PRKG1: variants seen among roughly 807,000 people sequenced by gnomAD.
PRKG1 encodes the protein protein kinase cGMP-dependent 1, also known as cGMP-dependent protein kinase 1.
A neutral mutation model predicts 88.1 loss-of-function variants in PRKG1; 35 were observed. The observed-to-expected ratio is 0.40, with a 90% CI of 0.30 to 0.53. PRKG1 has a LOEUF of 0.53. Ranked by LOEUF, PRKG1 falls within the 20% of genes least tolerant of loss-of-function variation. The pLI, the probability that PRKG1 is intolerant of heterozygous loss-of-function variation, is 0.59. For synonymous variants in PRKG1, 303 were observed against 292.5 expected, an observed-to-expected ratio of 1.04 and a Z score of -0.37; for missense variants, 540 against 839.8, an observed-to-expected ratio of 0.64 and a Z score of 4.41.
At chr10:51,851,973 A>G (rs1840565934) in intron 4 of PRKG1, among the ~76,000 whole-genome samples, 1 of 152,100 alleles carries the variant, frequency 6.6e-6, no homozygotes, top group South Asian at 2.1e-4. Flanking sequence ...GGATGGAAAG[A>G]CATAGACACA....
intron 2 of PRKG1, among the ~76,000 whole-genome samples, chr10:51,275,348 A>T (rs1169203902): frequency 6.6e-6 from 1 of 152,130 alleles, no homozygotes; most frequent in Non-Finnish European, 1.5e-5. Flanking sequence ...GGTAAATCAC[A>T]CTTCTTTTGT....
chr10:51,845,071 T>G (rs1371748937), intron 4 of PRKG1, among the ~76,000 whole-genome samples: 1 of 152,168 alleles, frequency 6.6e-6, no homozygotes, highest in Non-Finnish European at 1.5e-5. Context: ...TGTAAATGTC[T>G]GGTTGGCCAG....
At chr10:51,884,012 G>A in intron 4 of PRKG1, among the ~76,000 whole-genome samples, 1 of 105,588 alleles carries the variant, frequency 9.5e-6, no homozygotes, top group Non-Finnish European at 1.8e-5. Context: ...ACTCAAGTTA[G>A]TCTTTTATTT....
intron 3 of PRKG1, among the ~76,000 whole-genome samples, chr10:51,627,778 G>A (rs1839372933): frequency 6.6e-6 from 1 of 152,076 alleles, no homozygotes; most frequent in Non-Finnish European, 1.5e-5. Flanking sequence ...AGAGTACCAA[G>A]CACCTAGAAA....
At chr10:52,150,168 A>ATTATTATTATTATT (rs1564490922) in intron 8 of PRKG1, among the ~76,000 whole-genome samples, 9 of 108,656 alleles carry the variant, frequency 8.3e-5, no homozygotes, top group African/African-American at 3.5e-4. Flanking sequence ...TAATAATAAT[A>ATTATTATTATTATT]ATAATAATAA....
chr10:51,349,454 TTGTGTGTGTGTG>T (rs34302728), intron 2 of PRKG1, among the ~76,000 whole-genome samples: 17 of 97,418 alleles, frequency 1.7e-4, no homozygotes, highest in South Asian at 7.9e-4. Context: ...TTCATATTGT[TTGTGTGTGTGTG>T]TGTGTGTGTG....
intron 2 of PRKG1, among the ~76,000 whole-genome samples, chr10:51,172,519 T>A (rs1837056562): frequency 6.6e-6 from 1 of 152,084 alleles, no homozygotes; most frequent in African/African-American, 2.4e-5. Flanking sequence ...AAGTACCTAC[T>A]TTTTAATAAT....
intron 9 of PRKG1, among the ~76,000 whole-genome samples, chr10:52,191,682 A>G (rs367852283): frequency 2.0e-5 from 3 of 152,198 alleles, no homozygotes; most frequent in East Asian, 1.9e-4. Flanking sequence ...AAAGGCCAAT[A>G]GTGCTTGGTC....
chr10:51,034,673 T>TATATA (rs1470786141), intron 1 of PRKG1, among the ~76,000 whole-genome samples: 4 of 105,042 alleles, frequency 3.8e-5, no homozygotes, highest in African/African-American at 1.9e-4. Context: ...GTTATTTATA[T>TATATA]ATATATATAT....
At chr10:51,952,763 C>A (rs1843215595) in intron 5 of PRKG1, among the ~76,000 whole-genome samples, 1 of 152,068 alleles carries the variant, frequency 6.6e-6, no homozygotes, top group South Asian at 2.1e-4. Context: ...TAGCATTGAA[C>A]CACACAGCCT....
At chr10:51,595,528 G>T (rs1838422123) in intron 3 of PRKG1, among the ~76,000 whole-genome samples, 2 of 150,372 alleles carry the variant, frequency 1.3e-5, no homozygotes, top group African/African-American at 5.0e-5. Context: ...TACTTGAGAG[G>T]CTGAGGCAGG....
In PRKG1 at chr10:51,130,863, A is replaced by C. The variant is rs140065649; in HGVS notation, c.312-22301A>C. 2.1e-3 allele frequency among the ~76,000 whole-genome samples: 315 copies of C among 152,166 alleles called. 2 individuals carry two copies. The highest frequency in any genetic ancestry group is 7.3e-3 in the African/African-American group (305 of 41,524). ...GTTGCAGTGAGCCGAGATCTGAGAT[A>C]GCGCCACTGCACTCCAGCCTATGCA... is the stretch of plus-strand genomic sequence containing the variant. On this transcript the variant is annotated intron_variant, in intron 1 of 17. Coordinates refer to ENST00000373980, the MANE Select transcript of PRKG1 (RefSeq NM_006258.4).
chr10:51,385,484 G>A (rs556302505), intron 2 of PRKG1, among the ~76,000 whole-genome samples: 68 of 152,256 alleles, frequency 4.5e-4, no homozygotes, highest in African/African-American at 1.5e-3. Context: ...ACCCACAGTA[G>A]CCCATTCCAT....
chr10:51,917,769 A>T (rs571218441), intron 5 of PRKG1, among the ~76,000 whole-genome samples: 1 of 152,294 alleles, frequency 6.6e-6, no homozygotes, highest in Non-Finnish European at 1.5e-5. Flanking sequence ...TTTAATTCTC[A>T]ACAAAGATCT....
intron 7 of PRKG1, among the ~76,000 whole-genome samples, chr10:52,081,313 TC>T (rs1488984572): frequency 1.3e-5 from 2 of 152,156 alleles, no homozygotes; most frequent in Non-Finnish European, 2.9e-5. Context: ...ACTTAAACCT[TC>T]TGACTCCTAA....
intron 5 of PRKG1, among the ~76,000 whole-genome samples, chr10:51,939,327 C>CA (rs1842857500): frequency 6.6e-6 from 1 of 151,950 alleles, no homozygotes; most frequent in East Asian, 1.9e-4. Context: ...ATTGAGAATC[C>CA]TTCTGCCTTG....
intron 2 of PRKG1, among the ~76,000 whole-genome samples, chr10:51,378,715 C>A (rs892443843): frequency 6.6e-6 from 1 of 151,978 alleles, no homozygotes; most frequent in African/African-American, 2.4e-5. Flanking sequence ...GCTGCTATGA[C>A]CTGTGTGATG....
At chr10:51,467,429 T>G (rs1307165724) in intron 2 of PRKG1, among the ~76,000 whole-genome samples, 1 of 152,040 alleles carries the variant, frequency 6.6e-6, no homozygotes, top group African/African-American at 2.4e-5. Flanking sequence ...GGAATTACTG[T>G]GGTTTACTAA....
At chr10:51,833,848 G>T (rs1840063097) in intron 4 of PRKG1, among the ~76,000 whole-genome samples, 2 of 152,028 alleles carry the variant, frequency 1.3e-5, no homozygotes, top group South Asian at 4.1e-4. Context: ...CCCTTTCTCT[G>T]TCTACCTTCT....
Sources: allele counts gnomAD v4.1 joint callset (sites outside exome capture counted in the v4.1 genomes callset), GRCh38; gene constraint gnomAD v4.1.1; transcripts MANE v1.5; gene names NCBI Gene and HGNC (gene_info 2026-07-23, HGNC 2026-07-21).